Variants in PDZRN4 observed in about 807,000 individuals in gnomAD.
The protein encoded by PDZRN4 is PDZ domain containing ring finger 4, also known as PDZ domain-containing RING finger protein 4.
In PDZRN4, 70 loss-of-function variants were observed where a neutral mutation model predicts 99.0. That is an observed-to-expected ratio of 0.71 (90% CI 0.58 to 0.86). The LOEUF is 0.86. Ranked by LOEUF, PDZRN4 falls within the 40% of genes least tolerant of loss-of-function variation. The probability of loss-of-function intolerance (pLI) is 0.00; values close to 1 mark genes in which losing one functional copy is unlikely to be tolerated. For missense variants in PDZRN4, 1,474 were observed against 1,331.2 expected (o/e 1.11, Z -1.67); for synonymous variants, 551 against 501.6 (o/e 1.10, Z -1.32).
Position 41,567,841 on chromosome 12 carries a change from A to C in PDZRN4, c.1526A>C (p.Glu509Ala). The change falls in exon 9 of 10, where the codon GAG (glutamate) becomes GCG (alanine). Residue 509 changes from glutamate (E) to alanine (A), a missense_variant. Glu to Ala is a moderately radical substitution (Grantham distance 107). Coordinates refer to ENST00000402685, the MANE Select transcript of PDZRN4 (RefSeq NM_001164595.2). ...RNEFLEELNL[E>A]MLEEEHNEAM... ...GAATTCTTAGAGGAGTTAAACTTGGAGATGTTGGAAGAAGAGCATAATGAA... is the reference window on the plus strand; with the variant it reads ...GAATTCTTAGAGGAGTTAAACTTGGCGATGTTGGAAGAAGAGCATAATGAA... The C allele has an allele frequency of 6.2e-7, 1 of 1,613,644 alleles. No homozygotes were observed. Among genetic ancestry groups the C allele is most frequent in the Non-Finnish European group, 8.5e-7 (1 of 1,179,736 alleles).
At chr12:41,486,884 C>A (rs1937785650) in intron 3 of PDZRN4, among the ~76,000 whole-genome samples, 1 of 151,806 alleles carries the variant, frequency 6.6e-6, no homozygotes, top group African/African-American at 2.4e-5. Context: ...AATGCTTCCA[C>A]CCTTGGGCCT....
rs533201875 is a variant in PDZRN4, at chr12:41,228,289, A to G, written c.843+34101A>G. On this transcript the variant is annotated intron_variant, in intron 3 of 9. Coordinates refer to ENST00000402685, the MANE Select transcript of PDZRN4 (RefSeq NM_001164595.2). ...ATTTATGTCATCATAATTATCTTAA[A>G]GCACAGAAGGGAAATTCATGAGGGT... Among the ~76,000 whole-genome samples, 19 of 152,310 alleles carry G rather than the reference A, an allele frequency of 1.2e-4. No homozygotes were observed. In the South Asian group the frequency reaches 1.5e-3, roughly 12 times the overall value.
intron 3 of PDZRN4, among the ~76,000 whole-genome samples, chr12:41,402,704 T>C (rs1478908255): frequency 2.9e-5 from 4 of 136,538 alleles, no homozygotes; most frequent in Non-Finnish European, 4.7e-5. Flanking sequence ...ATATATATAC[T>C]CTCTTCAAAA....
chr12:41,321,830 A>T (rs1951679927), intron 3 of PDZRN4, among the ~76,000 whole-genome samples: 1 of 152,182 alleles, frequency 6.6e-6, no homozygotes, highest in Admixed American at 6.5e-5. Context: ...GATATTTTGG[A>T]ATTATTATAA....
At chr12:41,438,871 T>G (rs1214623740) in intron 3 of PDZRN4, among the ~76,000 whole-genome samples, 1 of 152,236 alleles carries the variant, frequency 6.6e-6, no homozygotes, top group Non-Finnish European at 1.5e-5. Flanking sequence ...TTCTCCCTTC[T>G]TCCAGTTTGT....
chr12:41,396,617 C>T lies in PDZRN4; in HGVS notation c.844-109839C>T, dbSNP rs1372028571. Reference sequence around the variant, plus strand: ...GTCTCTTGTGAGGTTTTGATCAAGGCGTTGGCTGGGGCTGCAGTGTCATCA... The same window carrying T: ...GTCTCTTGTGAGGTTTTGATCAAGGTGTTGGCTGGGGCTGCAGTGTCATCA... On this transcript the variant is annotated intron_variant, in intron 3 of 9. Coordinates refer to ENST00000402685, the MANE Select transcript of PDZRN4 (RefSeq NM_001164595.2). Among the ~76,000 whole-genome samples, 3 of 152,186 alleles carry T rather than the reference C, an allele frequency of 2.0e-5. No individual in the cohort carries two copies. In the South Asian group the frequency reaches 6.2e-4, roughly 32 times the overall value.
At chr12:41,446,276 T>G (rs1038426853) in intron 3 of PDZRN4, among the ~76,000 whole-genome samples, 1 of 151,452 alleles carries the variant, frequency 6.6e-6, no homozygotes, top group Admixed American at 6.6e-5. Flanking sequence ...TTTTGGAAAC[T>G]TGCTCTCATC....
rs141625098 is a variant in PDZRN4, at chr12:41,386,260, A to G, written c.844-120196A>G. On this transcript the variant is annotated intron_variant, in intron 3 of 9. Transcript: ENST00000402685. ...TCCCCTTGAAAACCAACACAAGACAAAGATATTCTCTCTCACTACTTCTGC... is the reference window on the plus strand; with the variant it reads ...TCCCCTTGAAAACCAACACAAGACAGAGATATTCTCTCTCACTACTTCTGC... Among the ~76,000 whole-genome samples, 31 of 152,334 alleles carry G rather than the reference A, an allele frequency of 2.0e-4. No homozygotes were observed. In the East Asian group the frequency reaches 6.0e-3, roughly 29 times the overall value.
chr12:41,191,611 C>A, intron 2 of PDZRN4, 67 bp downstream of exon 2: 2 of 758,694 alleles, frequency 2.6e-6, no homozygotes, highest in South Asian at 1.6e-5. Context: ...TTACTCATTG[C>A]TTATAAAATA....
intron 5 of PDZRN4, among the ~76,000 whole-genome samples, chr12:41,522,868 T>C (rs1318951504): frequency 1.3e-5 from 2 of 152,156 alleles, no homozygotes; most frequent in East Asian, 3.9e-4. Context: ...ATTTTGCTCA[T>C]ATTCCAACTA....
At chr12:41,562,448 G>A (rs1329206147) in intron 7 of PDZRN4, among the ~76,000 whole-genome samples, 1 of 151,998 alleles carries the variant, frequency 6.6e-6, no homozygotes, top group African/African-American at 2.4e-5. Flanking sequence ...AAAAAAGAAT[G>A]GTCAGTGCTG....
chr12:41,217,795 G>C (rs577676741), intron 3 of PDZRN4, among the ~76,000 whole-genome samples: 1 of 152,100 alleles, frequency 6.6e-6, no homozygotes, highest in East Asian at 1.9e-4. Flanking sequence ...AGATAGACAA[G>C]GCTACATTTT....
intron 3 of PDZRN4, among the ~76,000 whole-genome samples, chr12:41,242,011 G>A (rs1222993327): frequency 6.6e-6 from 1 of 152,190 alleles, no homozygotes; most frequent in Non-Finnish European, 1.5e-5. Flanking sequence ...TGCAGTTGCA[G>A]CTCACACACA....
intron 9 of PDZRN4, among the ~76,000 whole-genome samples, chr12:41,570,273 T>A (rs927227627): frequency 6.6e-6 from 1 of 152,186 alleles, no homozygotes; most frequent in African/African-American, 2.4e-5. Context: ...ACATTAGAAA[T>A]GTCTAGGTAG....
chr12:41,353,396 C>T (rs971311330), intron 3 of PDZRN4, among the ~76,000 whole-genome samples: 1 of 152,020 alleles, frequency 6.6e-6, no homozygotes, highest in Non-Finnish European at 1.5e-5. Flanking sequence ...AGGAGTCAGA[C>T]CTTACTTACT....
At chr12:41,288,458 C>T (rs916445298) in intron 3 of PDZRN4, among the ~76,000 whole-genome samples, 16 of 152,218 alleles carry the variant, frequency 1.1e-4, no homozygotes, top group African/African-American at 3.9e-4. Context: ...TGTGATGCCT[C>T]CTGTTGTTTT....
intron 3 of PDZRN4, among the ~76,000 whole-genome samples, chr12:41,487,602 G>T (rs1383804360): frequency 1.3e-5 from 2 of 152,156 alleles, no homozygotes; most frequent in African/African-American, 4.8e-5. Context: ...AGCTAATTAT[G>T]CAAAGTGTCT....
chr12:41,546,661 A>G (rs562814333), intron 5 of PDZRN4, among the ~76,000 whole-genome samples: 3 of 152,200 alleles, frequency 2.0e-5, no homozygotes, highest in Non-Finnish European at 4.4e-5. Flanking sequence ...GCCAAAAAAA[A>G]GATACTACAT....
intron 3 of PDZRN4, among the ~76,000 whole-genome samples, chr12:41,500,360 G>A (rs1363748521): frequency 6.6e-6 from 1 of 151,934 alleles, no homozygotes; most frequent in African/African-American, 2.4e-5. Flanking sequence ...ACAAGCAGAA[G>A]AAGCCCCAGG....
Sources: gnomAD v4.1 joint callset for allele counts (sites outside exome capture counted in the v4.1 genomes callset) on GRCh38, gnomAD v4.1.1 for gene constraint, MANE v1.5 for transcripts, NCBI Gene and HGNC (gene_info 2026-07-23, HGNC 2026-07-21) for gene names.